Variants in MUCL1 observed in about 807,000 individuals in gnomAD.
MUCL1 encodes the protein mucin-like protein 1.
Under a neutral mutation model 9.2 loss-of-function variants are expected in MUCL1, and 11 were observed. The ratio of observed to expected loss-of-function variants is 1.19; its 90% CI spans 0.75 to 1.97. The LOEUF (loss-of-function observed/expected upper bound fraction) is 1.97. Among genes scored for constraint, MUCL1 ranks in the 30% most tolerant of loss-of-function variants. The pLI is 0.00. For synonymous variants in MUCL1, 48 were observed against 40.5 expected (o/e 1.19, Z -0.71); for missense variants, 144 against 110.9 (o/e 1.30, Z -1.34).
At chr12:54,841,277 G>T (rs563959734) in intron 1 of MUCL1, among the ~76,000 whole-genome samples, 1 of 152,268 alleles carries the variant, frequency 6.6e-6, no homozygotes, top group Non-Finnish European at 1.5e-5. Flanking sequence ...TCATGTCATG[G>T]CTGTTGTAGA....
chr12:54,856,658 A>G, intron 2 of MUCL1, 112 bp from the exon 3 acceptor site: 2 of 1,395,944 alleles, frequency 1.4e-6, no homozygotes, highest in Non-Finnish European at 2.0e-6. Flanking sequence ...AGAACTGATG[A>G]CAGATTTGCA....
At chr12:54,844,588 CTAGA>C (rs1959232817) in intron 1 of MUCL1, among the ~76,000 whole-genome samples, 1 of 152,192 alleles carries the variant, frequency 6.6e-6, no homozygotes, top group East Asian at 1.9e-4. Flanking sequence ...ATCTCCTTAA[CTAGA>C]TCTAGCAGTT....
intron 1 of MUCL1, among the ~76,000 whole-genome samples, chr12:54,849,206 A>T (rs1448921926): frequency 6.6e-6 from 1 of 152,154 alleles, no homozygotes; most frequent in Non-Finnish European, 1.5e-5. Flanking sequence ...GGTCACTTGC[A>T]TCTACATATA....
chr12:54,851,974 G>A (rs1250486271), upstream of MUCL1, among the ~76,000 whole-genome samples: 1 of 152,114 alleles, frequency 6.6e-6, no homozygotes, highest in South Asian at 2.1e-4. Flanking sequence ...TCTCCAAAGA[G>A]AACTACAAAT....
At position 54,858,212 on chromosome 12, in the gene MUCL1, G is replaced by A. The variant is rs776504221; in HGVS notation, c.243G>A (p.Gly81=). 6 of 1,613,462 alleles carry A rather than the reference G, an allele frequency of 3.7e-6. No homozygotes were observed. The highest frequency in any genetic ancestry group is 5.1e-6 in the Non-Finnish European group (6 of 1,179,608). ...KDIPVLPKWV[G]DLPNGRVCP The stretch of plus-strand genomic sequence containing the variant: ...TTGCAGTTTTACCCAAATGGGTTGG[G>A]GATCTCCCGAATGGTAGAGTGTGTC... Residue 81 remains glycine (G), a synonymous_variant, in exon 4 of 4, where the codon GGG becomes GGA. Transcript: ENST00000308796.
intron 1 of MUCL1, among the ~76,000 whole-genome samples, chr12:54,839,629 G>T (rs991569850): frequency 6.6e-6 from 1 of 152,160 alleles, no homozygotes; most frequent in African/African-American, 2.4e-5. Flanking sequence ...CAGTGTTTCA[G>T]CTATTTAGAT....
chr12:54,855,283 A>G (rs942017779), intron 2 of MUCL1, 126 bp downstream of exon 2: 8 of 775,962 alleles, frequency 1.0e-5, no homozygotes, highest in Non-Finnish European at 1.8e-5. Flanking sequence ...AAAGTCTGTG[A>G]AAGCTATATT....
chr12:54,856,409 G>A (rs910906940), intron 2 of MUCL1, among the ~76,000 whole-genome samples: 11 of 152,134 alleles, frequency 7.2e-5, no homozygotes, highest in Non-Finnish European at 1.3e-4. Context: ...TCTGTGGGAC[G>A]GCTTCAGAAT....
chr12:54,842,692 G>T (rs983196660), intron 1 of MUCL1, among the ~76,000 whole-genome samples: 12 of 152,150 alleles, frequency 7.9e-5, no homozygotes, highest in Non-Finnish European at 1.5e-4. Context: ...AATTCTCATT[G>T]TTTTTCTGTA....
intron 1 of MUCL1, among the ~76,000 whole-genome samples, chr12:54,840,885 C>G (rs1343098909): frequency 1.3e-5 from 2 of 152,214 alleles, no homozygotes; most frequent in African/African-American, 2.4e-5. Flanking sequence ...CTAGTAGCAG[C>G]TAGCAAGCTT....
chr12:54,856,919 T>C (rs768713891), intron 3 of MUCL1, 27 bp downstream of exon 3: 12 of 1,613,226 alleles, frequency 7.4e-6, no homozygotes, highest in Admixed American at 1.7e-5. Flanking sequence ...ATCTGTGTGC[T>C]TCCTTTATGT....
At chr12:54,831,447 GA>G in intron 1 of MUCL1, among the ~76,000 whole-genome samples, 1 of 152,156 alleles carries the variant, frequency 6.6e-6, no homozygotes, top group South Asian at 2.1e-4. Context: ...AAGTATAATA[GA>G]AACATACATT....
intron 1 of MUCL1, among the ~76,000 whole-genome samples, chr12:54,844,147 C>A (rs1269312148): frequency 6.6e-6 from 1 of 152,106 alleles, no homozygotes; most frequent in Admixed American, 6.6e-5. Flanking sequence ...AGTCTTCCAT[C>A]ATTTTTTCAA....
At chr12:54,841,001 T>G (rs1959208942) in intron 1 of MUCL1, among the ~76,000 whole-genome samples, 1 of 152,206 alleles carries the variant, frequency 6.6e-6, no homozygotes, top group Non-Finnish European at 1.5e-5. Flanking sequence ...CTCACTCCTG[T>G]GTCCCTGGTA....
chr12:54,849,592 T>C (rs1959306629), upstream of MUCL1, among the ~76,000 whole-genome samples: 1 of 152,032 alleles, frequency 6.6e-6, no homozygotes, highest in Non-Finnish European at 1.5e-5. Context: ...GAGATAAAGT[T>C]TGGTTATACA....
intron 3 of MUCL1, 103 bp downstream of exon 3, chr12:54,856,995 T>G: frequency 6.7e-7 from 1 of 1,482,328 alleles, no homozygotes; most frequent in Non-Finnish European, 9.1e-7. Flanking sequence ...GGGAGACCTC[T>G]TCTTTACATT....
chr12:54,856,474 G>A (rs915544598), intron 2 of MUCL1, among the ~76,000 whole-genome samples: 1 of 152,188 alleles, frequency 6.6e-6, no homozygotes, highest in Non-Finnish European at 1.5e-5. Context: ...CTGTGAATAG[G>A]AACACTCGTG....
chr12:54,833,821 T>A (rs1370061066), intron 1 of MUCL1, among the ~76,000 whole-genome samples: 2 of 30,590 alleles, frequency 6.5e-5, no homozygotes, highest in Admixed American at 8.4e-4. Flanking sequence ...GGGACTGTTG[T>A]GGGGTTGGGG....
rs1868294728 is a variant in MUCL1 at position 54,855,866 on chromosome 12, C to A, written c.100+709C>A. On this transcript the variant is annotated intron_variant, in intron 2 of 3. Coordinates refer to ENST00000308796, the MANE Select transcript of MUCL1 (RefSeq NM_058173.3). ...GGGCATTAGCTTTAGTCAGACCTCA[C>A]ATATATTTTTCCTGCCATGTGAGGC... 2.0e-5 allele frequency among the ~76,000 whole-genome samples: 3 copies of A among 152,182 alleles called. No individual in the cohort carries two copies. The South Asian group carries it at 6.2e-4, about 32-fold the overall frequency.
Sources: gnomAD v4.1 joint callset for allele counts (sites outside exome capture counted in the v4.1 genomes callset) on GRCh38, gnomAD v4.1.1 for gene constraint, MANE v1.5 for transcripts, NCBI Gene and HGNC (gene_info 2026-07-23, HGNC 2026-07-21) for gene names.